EIF3H: variants seen among roughly 807,000 people sequenced by gnomAD.
EIF3H encodes the protein eukaryotic translation initiation factor 3 subunit H, also known as eIF-3-gamma.
A neutral mutation model predicts 44.2 loss-of-function variants in EIF3H; 26 were observed. That is an observed-to-expected ratio of 0.59 (90% CI 0.43 to 0.82). EIF3H has a LOEUF of 0.82. EIF3H is among the 40% of genes least tolerant of loss of function. The pLI, the probability that EIF3H is intolerant of heterozygous loss-of-function variation, is 0.00. For missense variants in EIF3H, 359 were observed against 432.8 expected, an observed-to-expected ratio of 0.83 and a Z score of 1.51; for synonymous variants, 166 against 151.9, an observed-to-expected ratio of 1.09 and a Z score of -0.68.
At chr8:116,730,069 T>C (rs751613126) in intron 1 of EIF3H, among the ~76,000 whole-genome samples, 20 of 152,248 alleles carry the variant, frequency 1.3e-4, no homozygotes, top group Middle Eastern at 3.2e-3. Flanking sequence ...TAGCTCATTC[T>C]TCATTGTGAC....
intron 2 of EIF3H, among the ~76,000 whole-genome samples, chr8:116,678,884 CG>C (rs1563640512): frequency 1.5e-5 from 2 of 137,054 alleles, no homozygotes; most frequent in East Asian, 4.1e-4. Flanking sequence ...GCCCCCCGCC[CG>C]GCCAGCCGCC....
intron 2 of EIF3H, among the ~76,000 whole-genome samples, chr8:116,661,990 T>C (rs942992354): frequency 2.5e-4 from 38 of 152,310 alleles, no homozygotes; most frequent in Admixed American, 2.4e-3. Flanking sequence ...GGGGAGCATT[T>C]CCATTTCCTC....
intron 1 of EIF3H, among the ~76,000 whole-genome samples, chr8:116,742,727 G>T (rs1490497957): frequency 6.6e-6 from 1 of 152,188 alleles, no homozygotes; most frequent in African/African-American, 2.4e-5. Flanking sequence ...CCTTGCTAAG[G>T]TAAGTGCAGA....
At chr8:116,718,772 A>AC (rs1328829932) in intron 2 of EIF3H, among the ~76,000 whole-genome samples, 1 of 151,974 alleles carries the variant, frequency 6.6e-6, no homozygotes, top group African/African-American at 2.4e-5. Flanking sequence ...CACACTGCAT[A>AC]CAGTGTACAC....
chr8:116,744,266 C>A, intron 1 of EIF3H, among the ~76,000 whole-genome samples: 1 of 149,628 alleles, frequency 6.7e-6, no homozygotes, highest in Non-Finnish European at 1.5e-5. Flanking sequence ...ACATCTGTGG[C>A]ACTTAAGTAC....
intron 2 of EIF3H, among the ~76,000 whole-genome samples, chr8:116,666,256 A>G (rs1001583049): frequency 7.9e-5 from 12 of 152,098 alleles, no homozygotes; most frequent in Non-Finnish European, 1.6e-4. Flanking sequence ...CAAGCTGGGG[A>G]ATAATGGAAT....
intron 1 of EIF3H, among the ~76,000 whole-genome samples, chr8:116,750,392 CTTTAGCATGACTTTT>C (rs1207350606): frequency 2.8e-5 from 2 of 71,128 alleles, no homozygotes; most frequent in Non-Finnish European, 6.0e-5. Context: ...CTAGGTCTGT[CTTTAGCATGACTTTT>C]TTTTTTTTTT....
chr8:116,694,705 T>C (rs890276846), intron 2 of EIF3H, among the ~76,000 whole-genome samples: 2 of 152,228 alleles, frequency 1.3e-5, no homozygotes, highest in African/African-American at 4.8e-5. Context: ...AATTTTTTTG[T>C]TTTATGTTGA....
intron 6 of EIF3H, 94 bp from the exon 7 acceptor site, chr8:116,646,697 G>A: frequency 6.7e-7 from 1 of 1,494,392 alleles, no homozygotes; most frequent in Non-Finnish European, 9.0e-7. Flanking sequence ...GAACCCCACT[G>A]CTCTGAATTC....
rs899110444 is a variant in EIF3H at position 116,642,797 on chromosome 8, A to G, written c.*2209T>C. On this transcript the variant is annotated 3_prime_UTR_variant, in exon 8 of 8. Transcript: ENST00000521861. ...TGCCGAACAGAAGCTATTCCCTAAC[A>G]CTACATACTGTGGCGAGTTAATTTC... The G allele has an allele frequency of 4.6e-5, 7 of 152,190 alleles. No individual in the cohort carries two copies. Among genetic ancestry groups the G allele is most frequent in the African/African-American group, 1.7e-4 (7 of 41,436 alleles). 9.4% of individuals were successfully genotyped at this position (152,190 alleles called of 1,614,324 possible). A position where few individuals can be genotyped will look rare whatever the true frequency, so the allele number is the denominator to read the frequency against.
intron 2 of EIF3H, among the ~76,000 whole-genome samples, chr8:116,700,840 G>T (rs1049060030): frequency 6.6e-6 from 1 of 152,078 alleles, no homozygotes; most frequent in African/African-American, 2.4e-5. Flanking sequence ...AAATGGGAAA[G>T]AATTTTTCTA....
chr8:116,753,769 G>A (rs1815396762), intron 1 of EIF3H, among the ~76,000 whole-genome samples: 1 of 152,174 alleles, frequency 6.6e-6, no homozygotes, highest in South Asian at 2.1e-4. Context: ...ACTGCCCTGT[G>A]TTAGATAGTA....
chr8:116,731,905 A>G lies in EIF3H; in HGVS notation c.133-5733T>C, dbSNP rs567500115. Among the ~76,000 whole-genome samples, 8 of 152,332 alleles carry G rather than the reference A, an allele frequency of 5.3e-5. No individual in the cohort carries two copies. The South Asian group carries it at 1.7e-3, about 32-fold the overall frequency. ...TTAGCAAATTCTTCTACACCTTCTG[A>G]AACTTTGTCATGTTCTGGGTGTAAA... On this transcript the variant is annotated intron_variant, in intron 1 of 7. Coordinates refer to ENST00000521861, the MANE Select transcript of EIF3H (RefSeq NM_003756.3).
chr8:116,711,286 T>C (rs2130899661), intron 2 of EIF3H, among the ~76,000 whole-genome samples: 1 of 152,322 alleles, frequency 6.6e-6, no homozygotes, highest in Non-Finnish European at 1.5e-5. Context: ...TACCACCCTA[T>C]TCCCCATTTT....
intron 2 of EIF3H, among the ~76,000 whole-genome samples, chr8:116,670,703 A>G (rs901170777): frequency 6.6e-6 from 1 of 152,204 alleles, no homozygotes; most frequent in East Asian, 1.9e-4. Context: ...ACATTATCAC[A>G]TTTTTGATAC....
At chr8:116,760,466 T>C (rs891113084), upstream of EIF3H, among the ~76,000 whole-genome samples, 1 of 152,206 alleles carries the variant, frequency 6.6e-6, no homozygotes, top group South Asian at 2.1e-4. Context: ...GAAAATAATA[T>C]TCATTTACAC....
chr8:116,763,851 A>C (rs1313429195), intron 1 of EIF3H, among the ~76,000 whole-genome samples: 1 of 152,234 alleles, frequency 6.6e-6, no homozygotes, highest in African/African-American at 2.4e-5. Flanking sequence ...GAAATTCAAC[A>C]AAGTAACCTT....
chr8:116,646,736 T>G, intron 6 of EIF3H, 133 bp from the exon 7 acceptor site: 1 of 1,257,422 alleles, frequency 8.0e-7, no homozygotes, highest in Non-Finnish European at 1.1e-6. Context: ...TTGGCAACAT[T>G]TGGTAACTTG....
intron 1 of EIF3H, among the ~76,000 whole-genome samples, chr8:116,733,071 C>T (rs1278830313): frequency 6.6e-6 from 1 of 152,150 alleles, no homozygotes; most frequent in Non-Finnish European, 1.5e-5. Flanking sequence ...GGAGTTCCCA[C>T]AAAACCCTCC....
Sources: gnomAD v4.1 joint callset for allele counts (sites outside exome capture counted in the v4.1 genomes callset) on GRCh38, gnomAD v4.1.1 for gene constraint, MANE v1.5 for transcripts, NCBI Gene and HGNC (gene_info 2026-07-23, HGNC 2026-07-21) for gene names.